Variants in SIRPA observed in about 807,000 individuals in gnomAD.
The protein encoded by SIRPA is signal regulatory protein alpha.
In SIRPA, 9 loss-of-function variants were observed where a neutral mutation model predicts 50.3. The observed-to-expected ratio is 0.18, with a 90% CI of 0.11 to 0.31. The LOEUF (loss-of-function observed/expected upper bound fraction) is 0.31, where lower values mean the gene tolerates loss of function less well. Among genes scored for constraint, SIRPA ranks in the 10% least tolerant of loss-of-function variants. The pLI, the probability that SIRPA is intolerant of heterozygous loss-of-function variation, is 1.00. For synonymous variants in SIRPA, 265 were observed against 284.1 expected (o/e 0.93, Z 0.68); for missense variants, 474 against 661.6 (o/e 0.72, Z 3.11).
At position 1,937,803 on chromosome 20, in the gene SIRPA, A is replaced by C. The variant is rs1986679274; in HGVS notation, c.*235A>C. The C allele has an allele frequency of 1.7e-6, 1 of 579,954 alleles. No homozygotes were observed. The highest frequency in any genetic ancestry group is 2.3e-5 in the South Asian group (1 of 43,050). 35.9% of individuals were successfully genotyped at this position (579,954 alleles called of 1,614,324 possible). A position where few individuals can be genotyped will look rare whatever the true frequency, so the allele number is the denominator to read the frequency against. ...ACATACCTGGAGGCTGACGTTGCCA[A>C]ACCAGCCAGGGAACCAACCTGGGAA... On this transcript the variant is annotated 3_prime_UTR_variant, in exon 8 of 8. Transcript: ENST00000358771. This position sits in a 1 kb window ranked among gnomAD's most constrained non-coding sequence, Gnocchi z 8.3.
intron 1 of SIRPA, among the ~76,000 whole-genome samples, chr20:1,911,181 A>G (rs769629574): frequency 6.6e-6 from 1 of 152,200 alleles, no homozygotes; most frequent in Non-Finnish European, 1.5e-5. Flanking sequence ...GGATCAGCCA[A>G]TCTCCTTTCC....
In SIRPA at chr20:1,937,799, G is replaced by C; in HGVS notation, c.*231G>C. ...TGCCACATACCTGGAGGCTGACGTT[G>C]CCAAACCAGCCAGGGAACCAACCTG... On this transcript the variant is annotated 3_prime_UTR_variant, in exon 8 of 8. Transcript: ENST00000358771. The surrounding 1 kb of genome is among the most constrained non-coding windows in gnomAD (Gnocchi z 8.3). 1 of 583,540 alleles carries C rather than the reference G, an allele frequency of 1.7e-6. No homozygotes were observed. Among genetic ancestry groups the C allele is most frequent in the Non-Finnish European group, 3.0e-6 (1 of 334,800 alleles). 36.1% of individuals were successfully genotyped at this position (583,540 alleles called of 1,614,324 possible).
At chr20:1,922,787 C>A (rs904430759) in intron 4 of SIRPA, 142 bp downstream of exon 4, 34 of 1,034,886 alleles carry the variant, frequency 3.3e-5, no homozygotes, top group Admixed American at 1.4e-4. Flanking sequence ...ATGTCAGCTC[C>A]ATTTCCCCAA....
chr20:1,933,401 A>ACCCCC lies in SIRPA; in HGVS notation c.1227-1308_1227-1304dup, dbSNP rs11395264. ...CATGAAGTACATAACATCAAATGCC[A>ACCCCC]CCCCCCCCCCGAAATATCTGGTGGG... On this transcript the variant is annotated intron_variant, in intron 6 of 7. Coordinates refer to ENST00000358771, the MANE Select transcript of SIRPA (RefSeq NM_001040023.2). This position sits in a 1 kb window ranked among gnomAD's most constrained non-coding sequence, Gnocchi z 4.4. Among the ~76,000 whole-genome samples, 2 of 139,696 alleles carry ACCCCC rather than the reference A, an allele frequency of 1.4e-5. No homozygotes were observed. Among genetic ancestry groups the ACCCCC allele is most frequent in the African/African-American group, 2.6e-5 (1 of 38,162 alleles). 91.6% of individuals were successfully genotyped at this position (139,696 alleles called of 152,430 possible). A position where few individuals can be genotyped will look rare whatever the true frequency, so the allele number is the denominator to read the frequency against.
intron 2 of SIRPA, among the ~76,000 whole-genome samples, chr20:1,921,155 G>C (rs1985625272): frequency 6.6e-6 from 1 of 152,206 alleles, no homozygotes; most frequent in African/African-American, 2.4e-5. Flanking sequence ...TTTGAACTCA[G>C]GCCTGGACTT....
intron 1 of SIRPA, among the ~76,000 whole-genome samples, chr20:1,900,028 C>T (rs1205848263): frequency 6.6e-6 from 1 of 151,090 alleles, no homozygotes; most frequent in Non-Finnish European, 1.5e-5. Flanking sequence ...ATAGGGGGTA[C>T]TTAAAAAACA....
chr20:1,928,039 C>A lies in SIRPA; in HGVS notation c.1226+140C>A. The A allele has an allele frequency of 1.3e-6, 1 of 788,614 alleles. No individual in the cohort carries two copies. Among genetic ancestry groups the A allele is most frequent in the Admixed American group, 1.9e-5 (1 of 53,932 alleles). The allele number at this position is 788,614 out of a possible 1,614,324, so 48.9% of individuals were successfully genotyped here. ...TGTCTCTTTCTCTCCTTTGTAACCTCCTCACACTGGGTCACGCTGTTTTTA... is the reference window on the plus strand; with the variant it reads ...TGTCTCTTTCTCTCCTTTGTAACCTACTCACACTGGGTCACGCTGTTTTTA... On this transcript the variant is annotated intron_variant, in intron 6 of 7. Coordinates refer to ENST00000358771, the MANE Select transcript of SIRPA (RefSeq NM_001040023.2). This position sits in a 1 kb window ranked among gnomAD's most constrained non-coding sequence, Gnocchi z 4.9.
chr20:1,898,271 C>T lies in SIRPA; in HGVS notation c.79+2745C>T, dbSNP rs1983947705. On this transcript the variant is annotated intron_variant, in intron 1 of 7. Transcript: ENST00000358771. The surrounding 1 kb of genome is among the most constrained non-coding windows in gnomAD (Gnocchi z 4.3). ...TCTTTCGTAAGAAGAGAAAACGGGG[C>T]GGGAGTGCTTTGGCTCAACACATCA... 6.6e-6 allele frequency among the ~76,000 whole-genome samples: 1 copy of T among 152,162 alleles called. No individual in the cohort carries two copies. The highest frequency in any genetic ancestry group is 2.1e-4 in the South Asian group (1 of 4,824).
At chr20:1,925,457 C>T (rs1027289596) in intron 5 of SIRPA, among the ~76,000 whole-genome samples, 20 of 152,266 alleles carry the variant, frequency 1.3e-4, no homozygotes, top group African/African-American at 4.6e-4. Flanking sequence ...AGCCCCCTCA[C>T]AGGGCAAGGT....
chr20:1,897,646 G>A (rs1381053149), intron 1 of SIRPA, among the ~76,000 whole-genome samples: 1 of 152,178 alleles, frequency 6.6e-6, no homozygotes, highest in African/African-American at 2.4e-5. Flanking sequence ...TTAGGAAGGC[G>A]GCTTTGGATT....
At chr20:1,902,905 T>G (rs1166437130) in intron 1 of SIRPA, among the ~76,000 whole-genome samples, 1 of 147,612 alleles carries the variant, frequency 6.8e-6, no homozygotes, top group Non-Finnish European at 1.5e-5. Context: ...CCAGCTACTC[T>G]GGAGGCTGCG....
intron 6 of SIRPA, among the ~76,000 whole-genome samples, chr20:1,930,886 G>A (rs996419562): frequency 2.0e-5 from 3 of 152,138 alleles, no homozygotes; most frequent in African/African-American, 4.8e-5. Context: ...CACTGCGCCC[G>A]GCCCTGTTGT....
chr20:1,915,679 G>A (rs1333993012), intron 2 of SIRPA, among the ~76,000 whole-genome samples: 1 of 152,206 alleles, frequency 6.6e-6, no homozygotes, highest in African/African-American at 2.4e-5. Flanking sequence ...TCCTTCATCT[G>A]CCTGGCTGTG....
In SIRPA at chr20:1,921,721, C is replaced by T. The variant is rs565249164; in HGVS notation, c.754+9C>T. On this transcript the variant is annotated intron_variant, in intron 3 of 7. Transcript: ENST00000358771. ...GTCTGAGACCATCCGAGGTAGAAGA[C>T]CCTCACCCAGCCCAAGCCCACACCT... The T allele has an allele frequency of 6.2e-7, 1 of 1,614,080 alleles. No individual in the cohort carries two copies. The highest frequency in any genetic ancestry group is 2.2e-5 in the East Asian group (1 of 44,880).
At chr20:1,905,214 G>A (rs976529897) in intron 1 of SIRPA, among the ~76,000 whole-genome samples, 8 of 152,290 alleles carry the variant, frequency 5.3e-5, no homozygotes, top group Admixed American at 1.3e-4. Context: ...TAATAAATGC[G>A]TGTTGCTTTT....
Position 1,907,936 on chromosome 20 carries a change from C to CT in SIRPA, c.80-7160dup, listed in dbSNP as rs566265467. ...CGGCCATGAATGCAGCCCCAGCTAC[C>CT]TTTCGCCTTCCTGCATGGGGTCATG... is the stretch of plus-strand genomic sequence containing the variant. On this transcript the variant is annotated intron_variant, in intron 1 of 7. Coordinates refer to ENST00000358771, the MANE Select transcript of SIRPA (RefSeq NM_001040023.2). Among the ~76,000 whole-genome samples, 809 of 152,340 alleles carry CT rather than the reference C, an allele frequency of 5.3e-3. 6 individuals carry two copies. Among genetic ancestry groups the CT allele is most frequent in the Non-Finnish European group, 6.4e-3 (437 of 68,024 alleles).
At chr20:1,897,786 GAGA>G (rs1220924771) in intron 1 of SIRPA, among the ~76,000 whole-genome samples, 1 of 152,188 alleles carries the variant, frequency 6.6e-6, no homozygotes, top group Non-Finnish European at 1.5e-5. Context: ...GGGGAGGCAA[GAGA>G]AGAAGTTTCT....
At chr20:1,917,783 A>T (rs1985390649) in intron 2 of SIRPA, among the ~76,000 whole-genome samples, 1 of 152,152 alleles carries the variant, frequency 6.6e-6, no homozygotes, top group South Asian at 2.1e-4. Context: ...CTTGGGGCTC[A>T]TTGGAGCAAG....
intron 1 of SIRPA, among the ~76,000 whole-genome samples, chr20:1,895,749 C>T (rs1983763614): frequency 6.6e-6 from 1 of 152,246 alleles, no homozygotes; most frequent in Non-Finnish European, 1.5e-5. Flanking sequence ...GAGAGTTTGT[C>T]TCTGTGGACT....
Sources: gnomAD v4.1 joint callset for allele counts (sites outside exome capture counted in the v4.1 genomes callset) on GRCh38, gnomAD v4.1.1 for gene constraint, Gnocchi (gnomAD v3.1) non-coding constraint, MANE v1.5 for transcripts, NCBI Gene and HGNC (gene_info 2026-07-23, HGNC 2026-07-21) for gene names.